Variants in PPARGC1A observed in about 807,000 individuals in gnomAD.
PPARGC1A encodes PPARG coactivator 1 alpha, also known as peroxisome proliferator-activated receptor gamma coactivator 1-alpha.
In PPARGC1A, 25 loss-of-function variants were observed where a neutral mutation model predicts 88.7. The ratio of observed to expected loss-of-function variants is 0.28; its 90% CI spans 0.21 to 0.39. PPARGC1A has a LOEUF of 0.39. Among genes scored for constraint, PPARGC1A ranks in the 10% least tolerant of loss-of-function variants. PPARGC1A has a pLI of 1.00. For missense variants in PPARGC1A, 880 were observed against 968.7 expected (o/e 0.91, Z 1.22); for synonymous variants, 363 against 355.6 (o/e 1.02, Z -0.24).
At chr4:24,279,469 G>A in the PPARGC1A span, among the ~76,000 whole-genome samples, 4 of 152,282 alleles carry the variant, frequency 2.6e-5, no homozygotes, top group South Asian at 6.2e-4. Context: ...AAGTAACGGG[G>A]GGAGAAGAAA....
the PPARGC1A span, among the ~76,000 whole-genome samples, chr4:24,319,472 A>G: frequency 6.6e-5 from 10 of 152,364 alleles, no homozygotes; most frequent in Admixed American, 5.2e-4. Context: ...GTATGAATAA[A>G]TGAGGGTTCA....
chr4:23,957,079 T>G, the PPARGC1A span, among the ~76,000 whole-genome samples: 3 of 152,056 alleles, frequency 2.0e-5, no homozygotes, highest in African/African-American at 7.2e-5. Flanking sequence ...AGATACTCCT[T>G]TCCCAAGTTC....
At chr4:23,817,722 C>A (rs1190884277) in intron 7 of PPARGC1A, among the ~76,000 whole-genome samples, 3 of 151,940 alleles carry the variant, frequency 2.0e-5, no homozygotes, top group Admixed American at 2.0e-4. Flanking sequence ...TTCCCTAAAC[C>A]CTTCATTGTT....
the PPARGC1A span, among the ~76,000 whole-genome samples, chr4:24,151,928 C>A: frequency 2.0e-5 from 3 of 152,208 alleles, no homozygotes; most frequent in African/African-American, 7.2e-5. Flanking sequence ...AAACTCAGAG[C>A]TTGTGGTCTT....
At chr4:24,094,940 C>G in the PPARGC1A span, among the ~76,000 whole-genome samples, 1 of 152,138 alleles carries the variant, frequency 6.6e-6, no homozygotes. Flanking sequence ...AACTCTAAGT[C>G]TTTTATTTCA....
At chr4:24,373,963 C>T in the PPARGC1A span, among the ~76,000 whole-genome samples, 1 of 152,192 alleles carries the variant, frequency 6.6e-6, no homozygotes. Context: ...TGAGCACAGA[C>T]ACACAGAAAT....
chr4:23,811,621 G>A (rs1720904452), intron 10 of PPARGC1A, among the ~76,000 whole-genome samples: 2 of 152,148 alleles, frequency 1.3e-5, no homozygotes, highest in Non-Finnish European at 2.9e-5. Context: ...CAAAGTCTAG[G>A]TTGATAAACA....
At chr4:24,433,968 C>T in the PPARGC1A span, among the ~76,000 whole-genome samples, 3 of 152,154 alleles carry the variant, frequency 2.0e-5, no homozygotes, top group Non-Finnish European at 2.9e-5. Context: ...TTCCCACCCA[C>T]GGAAGACCCT....
chr4:24,027,196 A>AGTGT, the PPARGC1A span, among the ~76,000 whole-genome samples: 924 of 133,684 alleles, frequency 6.9e-3, 11 homozygotes, highest in South Asian at 7.3e-3. Context: ...ACCTCAGGCT[A>AGTGT]GTGTGTGTGT....
chr4:23,879,747 T>G (rs1446946118), intron 2 of PPARGC1A, among the ~76,000 whole-genome samples: 1 of 152,152 alleles, frequency 6.6e-6, no homozygotes, highest in Non-Finnish European at 1.5e-5. Flanking sequence ...CTGTCAGCAT[T>G]ATCACTCTTA....
At chr4:24,057,965 G>GGA in the PPARGC1A span, among the ~76,000 whole-genome samples, 1 of 152,130 alleles carries the variant, frequency 6.6e-6, no homozygotes, top group Non-Finnish European at 1.5e-5. Context: ...CTCATGCATG[G>GGA]GAGAGAGAGA....
chr4:23,969,387 G>A, the PPARGC1A span, among the ~76,000 whole-genome samples: 1 of 152,090 alleles, frequency 6.6e-6, no homozygotes, highest in African/African-American at 2.4e-5. Context: ...CATGTTAATT[G>A]GCCTTCCCAG....
Position 23,824,347 on chromosome 4 carries a change from G to T in PPARGC1A, c.810C>A (p.Pro270=). Residue 270 remains proline (P), a synonymous_variant, in exon 7 of 13, where the codon CCC becomes CCA. Coordinates refer to ENST00000264867, the MANE Select transcript of PPARGC1A (RefSeq NM_013261.5). The stretch of plus-strand genomic sequence containing the variant: ...TCTTGTTCTCAAATGGGGAACCCTT[G>T]GGGTCACTGGAAGATATGGCACATT... ...LPLTPESPND[P]KGSPFENKTI... is the part of the protein sequence containing the mutation. The T allele has an allele frequency of 6.2e-7, 1 of 1,613,354 alleles. No homozygotes were observed. The highest frequency in any genetic ancestry group is 8.5e-7 in the Non-Finnish European group (1 of 1,179,588).
chr4:24,287,594 G>T, the PPARGC1A span, among the ~76,000 whole-genome samples: 1 of 149,640 alleles, frequency 6.7e-6, no homozygotes, highest in African/African-American at 2.5e-5. Flanking sequence ...ACAGAACCAA[G>T]AGCTCCCATT....
chr4:23,962,743 G>T, the PPARGC1A span, among the ~76,000 whole-genome samples: 3 of 152,142 alleles, frequency 2.0e-5, no homozygotes, highest in African/African-American at 7.2e-5. Flanking sequence ...AACCCAAGTA[G>T]GGAAGGTGAT....
chr4:24,021,291 C>T, the PPARGC1A span, among the ~76,000 whole-genome samples: 1 of 152,230 alleles, frequency 6.6e-6, no homozygotes, highest in South Asian at 2.1e-4. Context: ...CTATCTCAGA[C>T]AGGCTTACGC....
At chr4:24,302,446 C>T in the PPARGC1A span, among the ~76,000 whole-genome samples, 15 of 152,184 alleles carry the variant, frequency 9.9e-5, no homozygotes, top group Non-Finnish European at 2.1e-4. Context: ...CTCGCCCCTG[C>T]CCCGCAGGCC....
At chr4:23,890,127 C>T, upstream of PPARGC1A, 6 of 1,302,990 alleles carry the variant, frequency 4.6e-6, 1 homozygote, top group South Asian at 1.5e-4. Flanking sequence ...TGGGCTGTCA[C>T]TCACCCAGCC....
At chr4:24,077,621 A>AGG in the PPARGC1A span, among the ~76,000 whole-genome samples, 13 of 115,566 alleles carry the variant, frequency 1.1e-4, no homozygotes, top group South Asian at 3.0e-4. Flanking sequence ...TGATGTGTCT[A>AGG]GGGGTGTGTG....
Sources: gnomAD v4.1 joint callset for allele counts (sites outside exome capture counted in the v4.1 genomes callset) on GRCh38, gnomAD v4.1.1 for gene constraint, MANE v1.5 for transcripts, NCBI Gene and HGNC (gene_info 2026-07-23, HGNC 2026-07-21) for gene names.